Variants in PITPNM3 observed in about 807,000 individuals in gnomAD.
PITPNM3 encodes PITPNM family member 3.
PITPNM3 carries 26 observed loss-of-function variants against 102.0 expected under a neutral mutation model. That is an observed-to-expected ratio of 0.25 (90% CI 0.19 to 0.35). PITPNM3 has a LOEUF of 0.35. Among genes scored for constraint, PITPNM3 ranks in the 10% least tolerant of loss-of-function variants. The pLI is 1.00. For missense variants in PITPNM3, 1,083 were observed against 1,346.1 expected (o/e 0.80, Z 3.06); for synonymous variants, 578 against 558.6 (o/e 1.03, Z -0.49).
At chr17:6,467,497 A>G (rs919475680) in intron 14 of PITPNM3, among the ~76,000 whole-genome samples, 3 of 152,258 alleles carry the variant, frequency 2.0e-5, no homozygotes, top group African/African-American at 7.2e-5. Flanking sequence ...TAAATTATAG[A>G]ATATGTGGAT....
At chr17:6,548,837 C>T (rs747989959) in intron 1 of PITPNM3, among the ~76,000 whole-genome samples, 32 of 152,144 alleles carry the variant, frequency 2.1e-4, no homozygotes, top group Non-Finnish European at 4.6e-4. Context: ...TCAGATCCAC[C>T]AGAACTCAAC....
chr17:6,509,577 C>T (rs777838415), intron 3 of PITPNM3, among the ~76,000 whole-genome samples: 3 of 152,198 alleles, frequency 2.0e-5, no homozygotes, highest in Non-Finnish European at 4.4e-5. Context: ...GGTGGCTTTG[C>T]TCATGAAGCC....
In PITPNM3 at chr17:6,453,568, A is replaced by G. The variant is rs1913959102; in HGVS notation, c.*1770T>C. On this transcript the variant is annotated 3_prime_UTR_variant, in exon 20 of 20. Coordinates refer to ENST00000262483, the MANE Select transcript of PITPNM3 (RefSeq NM_031220.4). ...GGATGCAGCACTGGAAGTAGAGCAG[A>G]AGAGCTGGCAGACTGAAGACACATT... is the stretch of plus-strand genomic sequence containing the variant. The G allele has an allele frequency of 6.6e-6, 1 of 152,536 alleles. No homozygotes were observed. The highest frequency in any genetic ancestry group is 6.5e-5 in the Admixed American group (1 of 15,296). 9.4% of individuals were successfully genotyped at this position (152,536 alleles called of 1,614,324 possible). A position where few individuals can be genotyped will look rare whatever the true frequency, so the allele number is the denominator to read the frequency against.
chr17:6,519,984 C>T (rs754266185), intron 3 of PITPNM3, among the ~76,000 whole-genome samples: 11 of 152,066 alleles, frequency 7.2e-5, no homozygotes, highest in Non-Finnish European at 1.2e-4. Flanking sequence ...AATTTACTTC[C>T]AGAATATATA....
In PITPNM3 at chr17:6,478,043, A is replaced by G; in HGVS notation, c.832T>C (p.Tyr278His). Residue 278 changes from tyrosine to histidine, a missense_variant, in exon 8 of 20, where the codon TAC (tyrosine) becomes CAC (histidine). Transcript: ENST00000262483. This position sits in a 1 kb window ranked among gnomAD's most constrained non-coding sequence, Gnocchi z 4.4. ...GGLLAFDAIC[Y>H]SAGPSGDSPA... ...CTGTCCCCTGAGGGCCCCGCACTGTAGCAGATGGCATCGAAGGCCAGGAGG... is the reference window on the plus strand; with the variant it reads ...CTGTCCCCTGAGGGCCCCGCACTGTGGCAGATGGCATCGAAGGCCAGGAGG... 1 of 1,613,708 alleles carries G rather than the reference A, an allele frequency of 6.2e-7. No individual in the cohort carries two copies. Among genetic ancestry groups the G allele is most frequent in the Non-Finnish European group, 8.5e-7 (1 of 1,180,040 alleles).
chr17:6,483,473 C>G, intron 6 of PITPNM3, 44 bp downstream of exon 6: 3 of 1,568,306 alleles, frequency 1.9e-6, no homozygotes, highest in Non-Finnish European at 2.6e-6. Context: ...CACTTAGTTC[C>G]CCCACCAACC....
intron 3 of PITPNM3, among the ~76,000 whole-genome samples, chr17:6,504,124 G>A (rs1907347415): frequency 6.6e-6 from 1 of 152,184 alleles, no homozygotes; most frequent in African/African-American, 2.4e-5. Flanking sequence ...TTCCTCTAGG[G>A]CCCCAGGTCT....
chr17:6,499,997 C>G (rs1907078799), intron 4 of PITPNM3, among the ~76,000 whole-genome samples: 1 of 152,198 alleles, frequency 6.6e-6, no homozygotes. Context: ...TGCCAAAGTG[C>G]TGGGACTACA....
rs1376442966 is a variant in PITPNM3, at chr17:6,453,174, T to A, written c.*2164A>T. On this transcript the variant is annotated 3_prime_UTR_variant, in exon 20 of 20. Coordinates refer to ENST00000262483, the MANE Select transcript of PITPNM3 (RefSeq NM_031220.4). ...CTCTCTTTCTCTCTCCCTCTCCCTC[T>A]CTCGCCTAGCCTGGGGTTCTCAGGG... 1 of 151,906 alleles carries A rather than the reference T, an allele frequency of 6.6e-6. No individual in the cohort carries two copies. Among genetic ancestry groups the A allele is most frequent in the African/African-American group, 2.4e-5 (1 of 41,318 alleles). The allele number at this position is 151,906 out of a possible 1,614,324, so 9.4% of individuals were successfully genotyped here.
chr17:6,541,311 G>A (rs1909719969), intron 1 of PITPNM3, among the ~76,000 whole-genome samples: 1 of 151,818 alleles, frequency 6.6e-6, no homozygotes, highest in African/African-American at 2.4e-5. Flanking sequence ...GTGTGTGTGT[G>A]TGTGTATGCA....
At chr17:6,503,965 C>T (rs1907338329) in intron 3 of PITPNM3, among the ~76,000 whole-genome samples, 2 of 152,018 alleles carry the variant, frequency 1.3e-5, no homozygotes, top group African/African-American at 4.8e-5. Context: ...CAGGGCTCTG[C>T]CTCTGGCCCA....
chr17:6,454,211 T>G lies in PITPNM3; in HGVS notation c.*1127A>C, dbSNP rs1913981761. On this transcript the variant is annotated 3_prime_UTR_variant, in exon 20 of 20. Transcript: ENST00000262483. ...ATGGGGAGCCCAATCAGTAACCTTT[T>G]GGCAGGAGAGGGAGGTGGGTTGTCC... is the stretch of plus-strand genomic sequence containing the variant. The G allele has an allele frequency of 1.3e-5, 2 of 152,176 alleles. No individual in the cohort carries two copies. The highest frequency in any genetic ancestry group is 1.3e-4 in the Admixed American group (2 of 15,284). 9.4% of individuals were successfully genotyped at this position (152,176 alleles called of 1,614,324 possible).
intron 1 of PITPNM3, among the ~76,000 whole-genome samples, chr17:6,538,926 C>T (rs1909589093): frequency 6.6e-6 from 1 of 152,190 alleles, no homozygotes; most frequent in Non-Finnish European, 1.5e-5. Flanking sequence ...CACCCCCTAC[C>T]CTGCAGGATG....
intron 1 of PITPNM3, among the ~76,000 whole-genome samples, chr17:6,548,481 CGGGG>C (rs1376489210): frequency 3.3e-5 from 5 of 152,150 alleles, no homozygotes; most frequent in Admixed American, 3.3e-4. Context: ...ACTAGCCTCA[CGGGG>C]GGCAGGAAGT....
In PITPNM3 at chr17:6,478,753, C is replaced by G; in HGVS notation, c.588-17G>C. ...GGGTTCAGGCTGCAGACAGGGGGCC[C>G]AAGGTGAGCCCAGCCAGGATCGGGC... On this transcript the variant is annotated splice_polypyrimidine_tract_variant and intron_variant, in intron 6 of 19. Coordinates refer to ENST00000262483, the MANE Select transcript of PITPNM3 (RefSeq NM_031220.4). The surrounding 1 kb of genome is among the most constrained non-coding windows in gnomAD (Gnocchi z 4.4). 6.5e-7 allele frequency: 1 copy of G among 1,550,130 alleles called. No homozygotes were observed. The highest frequency in any genetic ancestry group is 8.7e-7 in the Non-Finnish European group (1 of 1,148,406).
intron 4 of PITPNM3, among the ~76,000 whole-genome samples, chr17:6,498,407 G>A (rs987265081): frequency 2.6e-5 from 4 of 152,256 alleles, no homozygotes; most frequent in Admixed American, 2.0e-4. Flanking sequence ...GTTGTATGGA[G>A]GCAAGGTTCA....
intron 9 of PITPNM3, among the ~76,000 whole-genome samples, chr17:6,474,950 TC>T (rs1344098521): frequency 6.6e-6 from 1 of 152,102 alleles, no homozygotes; most frequent in Non-Finnish European, 1.5e-5. Flanking sequence ...ATGGCTGGGA[TC>T]CAATCAAATG....
intron 1 of PITPNM3, among the ~76,000 whole-genome samples, chr17:6,540,183 G>C (rs1340243558): frequency 6.6e-6 from 1 of 152,194 alleles, no homozygotes; most frequent in East Asian, 1.9e-4. Flanking sequence ...GAAAAGGAAG[G>C]GGCTGGTAGG....
Position 6,544,514 on chromosome 17 carries a change from A to G in PITPNM3, c.23-6432T>C, listed in dbSNP as rs147307017. Reference sequence around the variant, plus strand: ...GCCACTGCCCTCCAGCCTGGGGAACAGAGTGAGCCTCTGTCTCAAAAAAAA... The same window carrying G: ...GCCACTGCCCTCCAGCCTGGGGAACGGAGTGAGCCTCTGTCTCAAAAAAAA... On this transcript the variant is annotated intron_variant, in intron 1 of 19. Coordinates refer to ENST00000262483, the MANE Select transcript of PITPNM3 (RefSeq NM_031220.4). 6.2e-3 allele frequency among the ~76,000 whole-genome samples: 940 copies of G among 152,284 alleles called. 12 individuals are homozygous for G. The highest frequency in any genetic ancestry group is 0.021 in the African/African-American group (881 of 41,550).
Sources: gnomAD v4.1 joint callset for allele counts (sites outside exome capture counted in the v4.1 genomes callset) on GRCh38, gnomAD v4.1.1 for gene constraint, Gnocchi (gnomAD v3.1) non-coding constraint, MANE v1.5 for transcripts, NCBI Gene and HGNC (gene_info 2026-07-23, HGNC 2026-07-21) for gene names.